The following LRRC7 variants were observed in gnomAD, a reference collection of about 807,000 sequenced individuals.
The protein encoded by LRRC7 is leucine rich repeat containing 7.
Under a neutral mutation model 175.7 loss-of-function variants are expected in LRRC7, and 23 were observed. The observed-to-expected ratio is 0.13, with a 90% CI of 0.09 to 0.19. LRRC7 has a LOEUF of 0.19. LRRC7 is among the 10% of genes least tolerant of loss of function. The pLI, the probability that LRRC7 is intolerant of heterozygous loss-of-function variation, is 1.00. For missense variants in LRRC7, 1,354 were observed against 1,904.7 expected (o/e 0.71, Z 5.38); for synonymous variants, 685 against 680.9 (o/e 1.01, Z -0.09).
At chr1:69,984,126 A>G (rs759558531) in intron 9 of LRRC7, among the ~76,000 whole-genome samples, 4 of 151,982 alleles carry the variant, frequency 2.6e-5, no homozygotes, top group Non-Finnish European at 4.4e-5. Flanking sequence ...GGGTTTCACC[A>G]TGTTGGTCAG....
At chr1:69,759,153 T>C (rs1008882122) in intron 2 of LRRC7, among the ~76,000 whole-genome samples, 1 of 151,968 alleles carries the variant, frequency 6.6e-6, no homozygotes, top group Non-Finnish European at 1.5e-5. Flanking sequence ...GATAGTGACC[T>C]TTTCGTTAAA....
rs1312131032 is a variant in LRRC7 at position 70,141,385 on chromosome 1, C to CTCT, written c.*19500_*19502dup. On this transcript the variant is annotated 3_prime_UTR_variant, in exon 27 of 27. Coordinates refer to ENST00000651989, the MANE Select transcript of LRRC7 (RefSeq NM_001370785.2). Reference sequence around the variant, plus strand: ...ACAAATACTTTTGCAAATAATGTTTCTCTTAATAAAATGATATATTTTGTT... The same window carrying CTCT: ...ACAAATACTTTTGCAAATAATGTTTCTCTTCTTAATAAAATGATATATTTTGTT... The CTCT allele has an allele frequency of 6.6e-6, 1 of 152,070 alleles. No homozygotes were observed. The highest frequency in any genetic ancestry group is 1.9e-4 in the East Asian group (1 of 5,190). 9.4% of individuals were successfully genotyped at this position (152,070 alleles called of 1,614,324 possible).
intron 1 of LRRC7, among the ~76,000 whole-genome samples, chr1:69,602,870 A>G (rs1647136323): frequency 6.6e-6 from 1 of 152,234 alleles, no homozygotes; most frequent in African/African-American, 2.4e-5. Flanking sequence ...AAATTTTGAT[A>G]CACAAATACC....
chr1:69,907,838 A>G (rs945903308), intron 7 of LRRC7, among the ~76,000 whole-genome samples: 14 of 152,130 alleles, frequency 9.2e-5, no homozygotes, highest in African/African-American at 3.4e-4. Context: ...AAGGAATGGT[A>G]CCAGTTCCTC....
chr1:69,928,191 G>A (rs566628486), intron 7 of LRRC7, among the ~76,000 whole-genome samples: 6 of 152,212 alleles, frequency 3.9e-5, no homozygotes, highest in African/African-American at 7.2e-5. Context: ...GTACCCGGCC[G>A]TGTGAGGTGT....
chr1:69,717,990 G>A (rs1665805087), intron 2 of LRRC7, among the ~76,000 whole-genome samples: 1 of 142,966 alleles, frequency 7.0e-6, no homozygotes. Context: ...AAAGAGGAGG[G>A]AGAGAAAGAA....
Position 69,950,216 on chromosome 1 carries a change from GAT to G in LRRC7, c.711+18648_711+18649del, listed in dbSNP as rs534846559. ...ATGAAAGTACCACAGTTAATAGACA[GAT>G]AGACATATGGATGGATGGATGGATG... On this transcript the variant is annotated intron_variant, in intron 8 of 26. Coordinates refer to ENST00000651989, the MANE Select transcript of LRRC7 (RefSeq NM_001370785.2). Among the ~76,000 whole-genome samples the G allele has an allele frequency of 2.5e-3, 388 of 152,228 alleles. 4 individuals carry two copies. Among genetic ancestry groups the G allele is most frequent in the African/African-American group, 9.0e-3 (372 of 41,552 alleles).
intron 4 of LRRC7, among the ~76,000 whole-genome samples, chr1:69,806,566 C>T (rs1677138632): frequency 6.6e-6 from 1 of 151,870 alleles, no homozygotes; most frequent in South Asian, 2.1e-4. Context: ...ATGTTTGTTT[C>T]CCTTCTGAAA....
chr1:69,945,361 G>A (rs12025026), intron 8 of LRRC7, among the ~76,000 whole-genome samples: 69,590 of 151,816 alleles, frequency 0.46, 16,851 homozygotes, highest in East Asian at 0.68. Flanking sequence ...ATTGGTCTAT[G>A]TGTCTGTTCT....
chr1:69,715,163 C>A (rs749188797), intron 2 of LRRC7, among the ~76,000 whole-genome samples: 5 of 151,944 alleles, frequency 3.3e-5, no homozygotes, highest in Non-Finnish European at 7.4e-5. Flanking sequence ...TTAATAGAAC[C>A]ATTGCACTAA....
intron 2 of LRRC7, among the ~76,000 whole-genome samples, chr1:69,725,563 T>C (rs1740917): frequency 0.012 from 1,776 of 152,328 alleles, 50 homozygotes; most frequent in African/African-American, 0.041. Flanking sequence ...ATGAAATTGA[T>C]GACAAGATTC....
chr1:69,939,249 G>A lies in LRRC7; in HGVS notation c.711+7679G>A, dbSNP rs933120948. On this transcript the variant is annotated intron_variant, in intron 8 of 26. Coordinates refer to ENST00000651989, the MANE Select transcript of LRRC7 (RefSeq NM_001370785.2). ...GTATGAGAGAACTGAAGGAGCAAAG[G>A]GGGGACACTGAAAAAGGAAGTTTGA... is the stretch of plus-strand genomic sequence containing the variant. Among the ~76,000 whole-genome samples the A allele has an allele frequency of 3.3e-5, 5 of 151,672 alleles. No homozygotes were observed. The East Asian group carries it at 9.7e-4, about 29-fold the overall frequency.
At chr1:69,909,371 G>T (rs1646440656) in intron 7 of LRRC7, among the ~76,000 whole-genome samples, 1 of 152,064 alleles carries the variant, frequency 6.6e-6, no homozygotes, top group African/African-American at 2.4e-5. Flanking sequence ...AGCCTTGATG[G>T]TCTTTACATT....
At chr1:69,614,906 T>C (rs982759709) in intron 1 of LRRC7, among the ~76,000 whole-genome samples, 7 of 152,050 alleles carry the variant, frequency 4.6e-5, no homozygotes, top group African/African-American at 1.7e-4. Context: ...GACATATAGA[T>C]ACCTTCACAA....
At chr1:69,688,128 T>C (rs943079713) in intron 2 of LRRC7, among the ~76,000 whole-genome samples, 5 of 152,242 alleles carry the variant, frequency 3.3e-5, no homozygotes, top group Admixed American at 1.3e-4. Context: ...TTAAGAATTG[T>C]ATATTAAACA....
Position 70,136,683 on chromosome 1 carries a change from G to T in LRRC7, c.*14796G>T, listed in dbSNP as rs1666886631. Among the ~76,000 whole-genome samples, 1 of 149,956 alleles carries T rather than the reference G, an allele frequency of 6.7e-6. No individual in the cohort carries two copies. The highest frequency in any genetic ancestry group is 1.5e-5 in the Non-Finnish European group (1 of 67,648). Reference sequence around the variant, plus strand: ...CCTTCTCTCACAGTTTAATAAAATGGCAAATGCTTTCTTTCTGCTTTATTG... The same window carrying T: ...CCTTCTCTCACAGTTTAATAAAATGTCAAATGCTTTCTTTCTGCTTTATTG... On this transcript the variant is annotated 3_prime_UTR_variant, in exon 27 of 27. Coordinates refer to ENST00000651989, the MANE Select transcript of LRRC7 (RefSeq NM_001370785.2).
At chr1:69,655,483 A>G (rs1457527168) in intron 1 of LRRC7, among the ~76,000 whole-genome samples, 2 of 152,082 alleles carry the variant, frequency 1.3e-5, no homozygotes, top group African/African-American at 2.4e-5. Flanking sequence ...TGAAGAAGAC[A>G]CTAAGAAGCC....
chr1:69,901,920 T>G (rs963369987), intron 7 of LRRC7, among the ~76,000 whole-genome samples: 3 of 152,166 alleles, frequency 2.0e-5, no homozygotes, highest in Non-Finnish European at 4.4e-5. Context: ...TTACAAGCTC[T>G]CATAGTACTC....
chr1:69,710,830 G>A (rs1664669522), intron 2 of LRRC7, among the ~76,000 whole-genome samples: 1 of 152,002 alleles, frequency 6.6e-6, no homozygotes, highest in African/African-American at 2.4e-5. Context: ...CTTCTGCAGG[G>A]CTTATTCATA....
Sources: gnomAD v4.1 joint callset for allele counts (sites outside exome capture counted in the v4.1 genomes callset) on GRCh38, gnomAD v4.1.1 for gene constraint, MANE v1.5 for transcripts, NCBI Gene and HGNC (gene_info 2026-07-23, HGNC 2026-07-21) for gene names.